The following CFAP91 variants were observed in gnomAD, a reference collection of about 807,000 sequenced individuals.
The protein encoded by CFAP91 is cilia and flagella associated protein 91.
A neutral mutation model predicts 95.9 loss-of-function variants in CFAP91; 85 were observed. The observed-to-expected ratio is 0.89, with a 90% CI of 0.74 to 1.06. The LOEUF (loss-of-function observed/expected upper bound fraction) is 1.06. CFAP91 is among the 50% of genes least tolerant of loss of function. The pLI is 0.00. For missense variants in CFAP91, 962 were observed against 943.4 expected (o/e 1.02, Z -0.26); for synonymous variants, 335 against 327.5 (o/e 1.02, Z -0.25).
intron 17 of CFAP91, among the ~76,000 whole-genome samples, chr3:119,755,244 T>C (rs1393920179): frequency 6.6e-6 from 1 of 152,174 alleles, no homozygotes; most frequent in Non-Finnish European, 1.5e-5. Context: ...ATAGAATGAA[T>C]GTACTTTGCA....
At chr3:119,706,696 T>G (rs1159027140) in intron 1 of CFAP91, 113 bp from the exon 2 acceptor site, 9 of 793,668 alleles carry the variant, frequency 1.1e-5, no homozygotes, top group Non-Finnish European at 1.9e-5. Flanking sequence ...TCAGACAATA[T>G]TTAAACTTTT....
At chr3:119,711,269 C>T (rs2053467833) in intron 5 of CFAP91, among the ~76,000 whole-genome samples, 1 of 152,148 alleles carries the variant, frequency 6.6e-6, no homozygotes, top group African/African-American at 2.4e-5. Context: ...TCTCCCTAGA[C>T]AGAGCAACTT....
At chr3:119,759,736 G>A (rs73192055) in intron 17 of CFAP91, among the ~76,000 whole-genome samples, 2,236 of 152,022 alleles carry the variant, frequency 0.015, 17 homozygotes, top group Non-Finnish European at 0.023. Flanking sequence ...GAAAACACAC[G>A]TGTTGAGGAG....
intron 5 of CFAP91, chr3:119,715,239 A>G (rs1250322388): frequency 2.6e-6 from 1 of 384,060 alleles, no homozygotes; most frequent in South Asian, 2.7e-5. Flanking sequence ...AATGCTGAAC[A>G]GGTTCAGAAG....
intron 15 of CFAP91, chr3:119,747,533 A>T: frequency 1.8e-6 from 1 of 561,550 alleles, no homozygotes; most frequent in Admixed American, 3.4e-5. Context: ...TGTGTGCAAC[A>T]TTACTGGGAC....
intron 14 of CFAP91, among the ~76,000 whole-genome samples, chr3:119,746,698 G>C (rs1306700755): frequency 6.6e-6 from 1 of 152,144 alleles, no homozygotes; most frequent in Non-Finnish European, 1.5e-5. Context: ...CTAAAATCCA[G>C]GGGTTCTATT....
chr3:119,732,984 G>A (rs1295427177), intron 9 of CFAP91, among the ~76,000 whole-genome samples: 3 of 152,192 alleles, frequency 2.0e-5, no homozygotes, highest in Non-Finnish European at 4.4e-5. Flanking sequence ...TTACACTGCT[G>A]AACTTGTAGC....
intron 3 of CFAP91, among the ~76,000 whole-genome samples, chr3:119,708,280 A>C (rs2053410224): frequency 6.6e-6 from 1 of 152,052 alleles, no homozygotes; most frequent in African/African-American, 2.4e-5. Context: ...AAAAAAAAAA[A>C]AAAATTGTCT....
chr3:119,707,249 T>A (rs1218993659), intron 2 of CFAP91, 155 bp from the exon 3 acceptor site: 3 of 564,800 alleles, frequency 5.3e-6, no homozygotes, highest in African/African-American at 1.9e-5. Flanking sequence ...CTTGGGCATG[T>A]ATTTAAAGAT....
chr3:119,726,555 C>T (rs540500139), intron 7 of CFAP91, among the ~76,000 whole-genome samples: 1 of 152,306 alleles, frequency 6.6e-6, no homozygotes, highest in East Asian at 1.9e-4. Context: ...CCTCCAAAAA[C>T]ATTAAAATGT....
intron 8 of CFAP91, among the ~76,000 whole-genome samples, chr3:119,730,808 CAT>C (rs1394330581): frequency 6.6e-6 from 1 of 151,962 alleles, no homozygotes; most frequent in African/African-American, 2.4e-5. Flanking sequence ...GCAGATATAA[CAT>C]ATATATGTTT....
At chr3:119,727,814 G>A (rs1559755612) in intron 7 of CFAP91, among the ~76,000 whole-genome samples, 1 of 152,188 alleles carries the variant, frequency 6.6e-6, no homozygotes, top group Non-Finnish European at 1.5e-5. Context: ...TAGCTTCTGA[G>A]CTGGGTTTTG....
At chr3:119,715,495 C>T in intron 5 of CFAP91, 67 bp from the exon 6 acceptor site, 2 of 1,310,460 alleles carry the variant, frequency 1.5e-6, no homozygotes, top group Non-Finnish European at 2.2e-6. Flanking sequence ...TTTGTTTCTA[C>T]TTGATTATAT....
rs1298621162 is a variant in CFAP91 at position 119,703,377 on chromosome 3, C to T, written c.124+155C>T. On this transcript the variant is annotated intron_variant, in intron 1 of 17. Coordinates refer to ENST00000273390, the MANE Select transcript of CFAP91 (RefSeq NM_033364.4). ...TGTCCTTGGTCGGGTGGGGGCAGCT[C>T]CGAGCCCTCCAGGTGGCCGCACTCA... 3 of 1,189,444 alleles carry T rather than the reference C, an allele frequency of 2.5e-6. No homozygotes were observed. In the Admixed American group the frequency reaches 7.0e-5, roughly 28 times the overall value. The allele number at this position is 1,189,444 out of a possible 1,614,324, so 73.7% of individuals were successfully genotyped here.
chr3:119,751,034 A>G lies in CFAP91; in HGVS notation c.2241A>G (p.Gln747=), dbSNP rs757667407. 5.6e-5 allele frequency: 90 copies of G among 1,613,770 alleles called. No individual in the cohort carries two copies. Among genetic ancestry groups the G allele is most frequent in the Non-Finnish European group, 7.6e-5 (90 of 1,179,868 alleles). ...AAAAGAAATTAACTGAGGGAGAGCA[A>G]GATGAGGCCTCAAATGCTGCCATGT... is the stretch of plus-strand genomic sequence containing the variant. ...MVQKKLTEGE[Q]DEASNAAMLL... Residue 747 remains glutamine (Q), a synonymous_variant, in exon 17 of 18, where the codon CAA becomes CAG. Transcript: ENST00000273390.
At chr3:119,742,449 C>T (rs2054140033) in intron 13 of CFAP91, among the ~76,000 whole-genome samples, 1 of 152,184 alleles carries the variant, frequency 6.6e-6, no homozygotes, top group Non-Finnish European at 1.5e-5. Flanking sequence ...TAAACATTTC[C>T]CTTAATTTCA....
intron 13 of CFAP91, among the ~76,000 whole-genome samples, chr3:119,742,022 G>A (rs1345865560): frequency 6.6e-6 from 1 of 152,208 alleles, no homozygotes; most frequent in African/African-American, 2.4e-5. Context: ...GGAGCAGAAT[G>A]CCCTGGAAGC....
At chr3:119,734,777 C>T (rs1459557475) in intron 10 of CFAP91, among the ~76,000 whole-genome samples, 6 of 152,114 alleles carry the variant, frequency 3.9e-5, no homozygotes, top group Non-Finnish European at 5.9e-5. Flanking sequence ...GTTATAATTA[C>T]GCAGGTCTCC....
Position 119,760,404 on chromosome 3 carries a change from T to C in CFAP91, c.*2-4648T>C, listed in dbSNP as rs183807219. ...TATATAAAACAAATATTAATAGATATGGAGGGAGAGCTAGACTGTAATACA... is the reference window on the plus strand; with the variant it reads ...TATATAAAACAAATATTAATAGATACGGAGGGAGAGCTAGACTGTAATACA... On this transcript the variant is annotated intron_variant, in intron 17 of 17. Transcript: ENST00000273390. 4.1e-4 allele frequency among the ~76,000 whole-genome samples: 63 copies of C among 151,836 alleles called. No individual in the cohort carries two copies. In the East Asian group the frequency reaches 0.012, roughly 28 times the overall value.
Sources: allele counts gnomAD v4.1 joint callset (sites outside exome capture counted in the v4.1 genomes callset), GRCh38; gene constraint gnomAD v4.1.1; transcripts MANE v1.5; gene names NCBI Gene and HGNC (gene_info 2026-07-23, HGNC 2026-07-21).